Variants in DYRK1A observed in about 807,000 individuals in gnomAD.
The protein encoded by DYRK1A is dual specificity tyrosine-phosphorylation-regulated kinase 1A.
A neutral mutation model predicts 79.7 loss-of-function variants in DYRK1A; 9 were observed. The observed-to-expected ratio is 0.11, with a 90% CI of 0.07 to 0.20. The LOEUF is 0.20. Among genes scored for constraint, DYRK1A ranks in the 10% least tolerant of loss-of-function variants. The pLI is 1.00. For missense variants in DYRK1A, 622 were observed against 956.0 expected, an observed-to-expected ratio of 0.65 and a Z score of 4.61; for synonymous variants, 349 against 329.7, an observed-to-expected ratio of 1.06 and a Z score of -0.63.
At chr21:37,505,136 G>T in intron 9 of DYRK1A, 147 bp from the exon 10 acceptor site, 1 of 646,714 alleles carries the variant, frequency 1.5e-6, no homozygotes, top group Non-Finnish European at 2.7e-6. Context: ...GGATAGTAAT[G>T]TGTGAAAAGG....
intron 5 of DYRK1A, 50 bp downstream of exon 5, chr21:37,480,876 G>T: frequency 1.4e-6 from 2 of 1,464,400 alleles, no homozygotes; most frequent in South Asian, 2.7e-5. Flanking sequence ...GAACTTCTTA[G>T]TGAATCTTGT....
intron 1 of DYRK1A, among the ~76,000 whole-genome samples, chr21:37,374,306 AG>A (rs1212317933): frequency 6.0e-5 from 9 of 150,950 alleles, no homozygotes; most frequent in Non-Finnish European, 1.2e-4. Context: ...CACTGCAAGA[AG>A]GATGATAGCA....
intron 1 of DYRK1A, among the ~76,000 whole-genome samples, chr21:37,384,141 A>G (rs947891460): frequency 6.6e-6 from 1 of 152,110 alleles, no homozygotes; most frequent in Non-Finnish European, 1.5e-5. Flanking sequence ...ACGTGGCCCC[A>G]CTAAGTTGAG....
chr21:37,396,663 T>A (rs8133103), intron 1 of DYRK1A, among the ~76,000 whole-genome samples: 21,220 of 152,094 alleles, frequency 0.14, 1,600 homozygotes, highest in Middle Eastern at 0.17. Flanking sequence ...GTTTTAAAAT[T>A]TCCATAGGCT....
intron 6 of DYRK1A, among the ~76,000 whole-genome samples, chr21:37,489,833 T>C (rs2053016164): frequency 6.6e-6 from 1 of 152,156 alleles, no homozygotes; most frequent in Non-Finnish European, 1.5e-5. Context: ...AGTGCTTTCT[T>C]TTATAAATGA....
intron 1 of DYRK1A, among the ~76,000 whole-genome samples, chr21:37,388,100 A>ATTTTT (rs34571307): frequency 8.6e-6 from 1 of 116,620 alleles, no homozygotes; most frequent in African/African-American, 3.4e-5. Flanking sequence ...CTTCCCTTTG[A>ATTTTT]TTTTTTTTTT....
At chr21:37,463,931 TTTTTGTTCTTTAA>T (rs1191191070) in intron 2 of DYRK1A, among the ~76,000 whole-genome samples, 1 of 152,222 alleles carries the variant, frequency 6.6e-6, no homozygotes, top group Non-Finnish European at 1.5e-5. Flanking sequence ...TTTCATTTAC[TTTTTGTTCTTTAA>T]TATTGTTCTT....
At chr21:37,418,868 G>A (rs1370254039) in intron 1 of DYRK1A, 1 of 152,100 alleles carries the variant, frequency 6.6e-6, no homozygotes, top group Non-Finnish European at 1.5e-5. Flanking sequence ...ATGGAATCTG[G>A]AATATAGGCA....
chr21:37,495,876 A>G (rs1486017475), intron 8 of DYRK1A, among the ~76,000 whole-genome samples: 1 of 152,140 alleles, frequency 6.6e-6, no homozygotes, highest in Non-Finnish European at 1.5e-5. Flanking sequence ...TTACTGTTCA[A>G]CATTGTATCC....
chr21:37,401,482 C>CTT (rs60091331), intron 1 of DYRK1A, among the ~76,000 whole-genome samples: 19,125 of 137,348 alleles, frequency 0.14, 1,434 homozygotes, highest in Non-Finnish European at 0.16. Flanking sequence ...TTTCTAGTTC[C>CTT]TTTTTTTTTT....
intron 1 of DYRK1A, among the ~76,000 whole-genome samples, chr21:37,379,868 T>C (rs981290542): frequency 6.6e-6 from 1 of 152,216 alleles, no homozygotes; most frequent in Non-Finnish European, 1.5e-5. Context: ...ATTGAGCACC[T>C]GCTGGTGCCA....
At chr21:37,484,733 C>G (rs2148595232) in intron 5 of DYRK1A, among the ~76,000 whole-genome samples, 1 of 152,274 alleles carries the variant, frequency 6.6e-6, no homozygotes. Context: ...TCTTTGTGCT[C>G]ATAGTTAGGT....
chr21:37,366,333 G>A (rs1179879794), upstream of DYRK1A: 2 of 144,980 alleles, frequency 1.4e-5, no homozygotes, highest in Admixed American at 6.8e-5. Context: ...CGACGCGGAA[G>A]CGCGGGGCGC....
At chr21:37,405,804 A>G (rs1028087389) in intron 1 of DYRK1A, among the ~76,000 whole-genome samples, 6 of 152,194 alleles carry the variant, frequency 3.9e-5, no homozygotes, top group Non-Finnish European at 7.3e-5. Flanking sequence ...TATACTGTGA[A>G]GTCCACGAGG....
intron 1 of DYRK1A, among the ~76,000 whole-genome samples, chr21:37,406,817 TTATA>T (rs959090557): frequency 6.8e-5 from 10 of 146,502 alleles, no homozygotes; most frequent in African/African-American, 2.3e-4. Flanking sequence ...ATATATCTAT[TTATA>T]TATGTAATTA....
chr21:37,432,401 T>G (rs1260195171), intron 2 of DYRK1A, among the ~76,000 whole-genome samples: 2 of 152,214 alleles, frequency 1.3e-5, no homozygotes, highest in Non-Finnish European at 2.9e-5. Context: ...GCCCTTAGGT[T>G]AGAGAATAGA....
At chr21:37,384,067 G>A (rs1444719066) in intron 1 of DYRK1A, among the ~76,000 whole-genome samples, 4 of 152,110 alleles carry the variant, frequency 2.6e-5, no homozygotes, top group Non-Finnish European at 4.4e-5. Flanking sequence ...CCCTGTGATG[G>A]CCAGTTTTCT....
intron 1 of DYRK1A, among the ~76,000 whole-genome samples, chr21:37,373,791 G>C (rs2049481539): frequency 6.6e-6 from 1 of 152,198 alleles, no homozygotes; most frequent in Admixed American, 6.5e-5. Flanking sequence ...TGTGGTCTTT[G>C]ATAGGTGACT....
chr21:37,508,742 CTT>C (rs2053668240), intron 11 of DYRK1A, among the ~76,000 whole-genome samples: 1 of 152,184 alleles, frequency 6.6e-6, no homozygotes, highest in Non-Finnish European at 1.5e-5. Context: ...TCATTTTTCA[CTT>C]TGTGTAATAT....
Sources: allele counts gnomAD v4.1 joint callset (sites outside exome capture counted in the v4.1 genomes callset), GRCh38; gene constraint gnomAD v4.1.1; transcripts MANE v1.5; gene names NCBI Gene and HGNC (gene_info 2026-07-23, HGNC 2026-07-21).